The following FGF14 variants were observed in gnomAD, a reference collection of about 807,000 sequenced individuals.
The protein encoded by FGF14 is fibroblast growth factor homologous factor 4.
In FGF14, 5 loss-of-function variants were observed where a neutral mutation model predicts 25.5. The ratio of observed to expected loss-of-function variants is 0.20; its 90% CI spans 0.10 to 0.41. The LOEUF (loss-of-function observed/expected upper bound fraction) is 0.41, where lower values mean the gene tolerates loss of function less well. Ranked by LOEUF, FGF14 falls within the 10% of genes least tolerant of loss-of-function variation. FGF14 has a pLI of 1.00. For synonymous variants in FGF14, 138 were observed against 118.3 expected (o/e 1.17, Z -1.08); for missense variants, 222 against 320.1 (o/e 0.69, Z 2.34).
At chr13:101,861,570 A>G (rs906660381) in intron 3 of FGF14, among the ~76,000 whole-genome samples, 1 of 152,004 alleles carries the variant, frequency 6.6e-6, no homozygotes, top group Non-Finnish European at 1.5e-5. Flanking sequence ...GCACATAAAC[A>G]AAGTCAACAT....
chr13:101,961,996 T>C (rs1373016105), intron 1 of FGF14, among the ~76,000 whole-genome samples: 1 of 152,208 alleles, frequency 6.6e-6, no homozygotes, highest in Non-Finnish European at 1.5e-5. Context: ...TTGGGTAGTG[T>C]GATGCCTCCA....
intron 1 of FGF14, among the ~76,000 whole-genome samples, chr13:102,219,097 C>T (rs2050498732): frequency 6.6e-6 from 1 of 152,170 alleles, no homozygotes; most frequent in African/African-American, 2.4e-5. Flanking sequence ...TCCAATTATA[C>T]TCTTAGTTAT....
chr13:102,044,520 C>T (rs542529970), intron 1 of FGF14, among the ~76,000 whole-genome samples: 14 of 151,408 alleles, frequency 9.2e-5, no homozygotes, highest in African/African-American at 2.9e-4. Context: ...GGAATAAAAG[C>T]GAAGTCTCCT....
chr13:102,206,255 T>C (rs60174982), intron 1 of FGF14, among the ~76,000 whole-genome samples: 57,296 of 150,406 alleles, frequency 0.38, 12,325 homozygotes, highest in African/African-American at 0.59. Context: ...CAGTGAATTC[T>C]GTGAAGCTCC....
chr13:102,252,006 T>A (rs1397894952), intron 1 of FGF14, among the ~76,000 whole-genome samples: 1 of 152,244 alleles, frequency 6.6e-6, no homozygotes, highest in Non-Finnish European at 1.5e-5. Flanking sequence ...AGCATAATGC[T>A]GTACCAGTCC....
intron 1 of FGF14, among the ~76,000 whole-genome samples, chr13:102,392,631 A>C (rs770382501): frequency 6.6e-6 from 1 of 152,246 alleles, no homozygotes; most frequent in Non-Finnish European, 1.5e-5. Flanking sequence ...AGAAGATGGA[A>C]GTGTTCTGTT....
chr13:102,238,380 T>C (rs1187716537), intron 1 of FGF14, among the ~76,000 whole-genome samples: 1 of 152,216 alleles, frequency 6.6e-6, no homozygotes, highest in Non-Finnish European at 1.5e-5. Flanking sequence ...TTCAACATGC[T>C]CTTTTATTGC....
At chr13:101,723,040 T>C in intron 4 of FGF14, 73 bp from the exon 5 acceptor site, 3 of 1,565,002 alleles carry the variant, frequency 1.9e-6, no homozygotes, top group Non-Finnish European at 2.6e-6. Flanking sequence ...CATCCATACC[T>C]GCATAGACCA....
chr13:101,744,043 G>A (rs1222834951), intron 3 of FGF14, among the ~76,000 whole-genome samples: 1 of 152,132 alleles, frequency 6.6e-6, no homozygotes, highest in East Asian at 1.9e-4. Flanking sequence ...GATTCTGTGA[G>A]CAACCCCTCA....
At chr13:102,224,434 T>C (rs1353711972) in intron 1 of FGF14, among the ~76,000 whole-genome samples, 1 of 152,128 alleles carries the variant, frequency 6.6e-6, no homozygotes, top group African/African-American at 2.4e-5. Flanking sequence ...TATAGGGGTG[T>C]CAACTTTTTG....
chr13:101,984,024 G>A (rs533532617), intron 1 of FGF14, among the ~76,000 whole-genome samples: 129 of 152,182 alleles, frequency 8.5e-4, no homozygotes, highest in African/African-American at 3.1e-3. Context: ...TACTATTTCT[G>A]TAACTTAAAT....
chr13:102,309,131 A>AACACACACACACAC (rs1247982990), intron 1 of FGF14, among the ~76,000 whole-genome samples: 10 of 50,164 alleles, frequency 2.0e-4, no homozygotes, highest in African/African-American at 1.4e-3. Context: ...ATACATGCAT[A>AACACACACACACAC]ACATACACAC....
At chr13:102,077,084 G>A (rs1380375125) in intron 1 of FGF14, among the ~76,000 whole-genome samples, 4 of 152,022 alleles carry the variant, frequency 2.6e-5, no homozygotes, top group Admixed American at 2.0e-4. Flanking sequence ...ACATGCAGAA[G>A]GATAAAATTA....
chr13:102,026,506 A>C (rs530920845), intron 1 of FGF14, among the ~76,000 whole-genome samples: 26 of 152,042 alleles, frequency 1.7e-4, no homozygotes, highest in African/African-American at 6.0e-4. Flanking sequence ...GAACACATTA[A>C]GTAGAATTTT....
At position 101,951,242 on chromosome 13, in the gene FGF14, A is replaced by T. The variant is rs549091061; in HGVS notation, c.209-75946T>A. 5.9e-5 allele frequency among the ~76,000 whole-genome samples: 9 copies of T among 152,332 alleles called. No individual in the cohort carries two copies. In the South Asian group the frequency reaches 1.9e-3, roughly 32 times the overall value. ...GGTTTGTAATCAAAGAATGATGTTC[A>T]TATGATTTGATGCATGTTGTAGAAG... On this transcript the variant is annotated intron_variant, in intron 1 of 4. Coordinates refer to the FGF14 transcript ENST00000376131.
intron 1 of FGF14, among the ~76,000 whole-genome samples, chr13:102,085,516 G>A (rs925842985): frequency 6.6e-6 from 1 of 152,144 alleles, no homozygotes; most frequent in African/African-American, 2.4e-5. Context: ...TAATTATTAA[G>A]AGAATAAACA....
chr13:101,820,009 C>T (rs568684686), intron 3 of FGF14, among the ~76,000 whole-genome samples: 1 of 152,284 alleles, frequency 6.6e-6, no homozygotes, highest in South Asian at 2.1e-4. Context: ...GGAAAATCAG[C>T]TTTCCTAGCT....
At position 102,214,703 on chromosome 13, in the gene FGF14, G is replaced by A. The variant is rs59837135; in HGVS notation, c.208+186768C>T. Among the ~76,000 whole-genome samples, 1,047 of 152,220 alleles carry A rather than the reference G, an allele frequency of 6.9e-3. 11 individuals carry two copies. Among genetic ancestry groups the A allele is most frequent in the African/African-American group, 0.024 (984 of 41,530 alleles). ...ATTTCTAGATCAGGGGATCTCAACC[G>A]GAAGAGATATTTGGCTACTGCTGGA... On this transcript the variant is annotated intron_variant, in intron 1 of 4. Transcript: ENST00000376131.
rs58615099 is a variant in FGF14 at position 101,816,269 on chromosome 13, CA to C, written c.408+52455del. ...TGGGGAACAGAGAGAGACTCCGTCT[CA>C]AAAAAAAAAAAAAAATTTGGCTTAC... On this transcript the variant is annotated intron_variant, in intron 3 of 4. Coordinates refer to ENST00000376143, the MANE Select transcript of FGF14 (RefSeq NM_004115.4). Among the ~76,000 whole-genome samples, 251 of 88,982 alleles carry C rather than the reference CA, an allele frequency of 2.8e-3. 3 individuals carry two copies. Among genetic ancestry groups the C allele is most frequent in the East Asian group, 3.5e-3 (10 of 2,822 alleles). The allele number at this position is 88,982 out of a possible 152,430, so 58.4% of individuals were successfully genotyped here.
Sources: allele counts gnomAD v4.1 joint callset (sites outside exome capture counted in the v4.1 genomes callset), GRCh38; gene constraint gnomAD v4.1.1; transcripts MANE v1.5; gene names NCBI Gene and HGNC (gene_info 2026-07-23, HGNC 2026-07-21).